The following ANKRD55 variants were observed in gnomAD, a reference collection of about 807,000 sequenced individuals.
ANKRD55 encodes the protein ankyrin repeat domain-containing protein 55.
ANKRD55 carries 41 observed loss-of-function variants against 60.6 expected under a neutral mutation model. The ratio of observed to expected loss-of-function variants is 0.68; its 90% CI spans 0.53 to 0.88. The LOEUF is 0.88. Among genes scored for constraint, ANKRD55 ranks in the 40% least tolerant of loss-of-function variants. The pLI is 0.00. For missense variants in ANKRD55, 732 were observed against 767.6 expected (o/e 0.95, Z 0.55); for synonymous variants, 264 against 290.3 (o/e 0.91, Z 0.92).
chr5:56,176,071 G>T (rs949059006), intron 4 of ANKRD55, 81 bp downstream of exon 4: 1 of 1,555,208 alleles, frequency 6.4e-7, no homozygotes, highest in Non-Finnish European at 8.8e-7. Flanking sequence ...ATCCAAGAAT[G>T]CTCCTTTGCA....
intron 2 of ANKRD55, among the ~76,000 whole-genome samples, chr5:56,197,355 G>A (rs1759250631): frequency 6.6e-6 from 1 of 152,092 alleles, no homozygotes; most frequent in African/African-American, 2.4e-5. Flanking sequence ...TTTATTAAAA[G>A]CATACATAAA....
At chr5:56,171,780 GAA>G (rs1309633271) in intron 4 of ANKRD55, among the ~76,000 whole-genome samples, 1 of 152,140 alleles carries the variant, frequency 6.6e-6, no homozygotes, top group Non-Finnish European at 1.5e-5. Flanking sequence ...AGTAAAATGA[GAA>G]AGATGACTGA....
chr5:56,227,709 T>C (rs1760154906), intron 2 of ANKRD55, among the ~76,000 whole-genome samples: 1 of 152,132 alleles, frequency 6.6e-6, no homozygotes, highest in African/African-American at 2.4e-5. Context: ...CAGATTTAGC[T>C]TGGAATCCTA....
rs756017260 is a variant in ANKRD55 at position 56,127,590 on chromosome 5, G to A, written c.613-484C>T. The A allele has an allele frequency of 2.2e-5, 22 of 985,204 alleles. No individual in the cohort carries two copies. In the Admixed American group the frequency reaches 6.8e-4, roughly 30 times the overall value. The allele number at this position is 985,204 out of a possible 1,614,324, so 61.0% of individuals were successfully genotyped here. On this transcript the variant is annotated intron_variant, in intron 7 of 11. Coordinates refer to ENST00000341048, the MANE Select transcript of ANKRD55 (RefSeq NM_024669.3). ...GTGATGCACTTAAAAAGCTTGTTTC[G>A]GGGTAGGGCCAAGGAGCAGGGGGCT...
rs1238112028 is a variant in ANKRD55, at chr5:56,111,358, G to A, written c.1390C>T (p.His464Tyr). 6.2e-7 allele frequency: 1 copy of A among 1,614,042 alleles called. No homozygotes were observed. Among genetic ancestry groups the A allele is most frequent in the Non-Finnish European group, 8.5e-7 (1 of 1,180,046 alleles). ...TSHAGLSSAPHHMAQRSQKSR... is the reference protein window; with the variant it reads ...TSHAGLSSAPYHMAQRSQKSR... Reference sequence around the variant, plus strand: ...TTCTGAGATCGCTGGGCCATATGATGAGGAGCAGAGCTCAGGCCTGCATGG... The same window carrying A: ...TTCTGAGATCGCTGGGCCATATGATAAGGAGCAGAGCTCAGGCCTGCATGG... The change falls in exon 10 of 12, where the codon CAT becomes TAT. Residue 464 changes from histidine to tyrosine, a missense_variant. Coordinates refer to ENST00000341048, the MANE Select transcript of ANKRD55 (RefSeq NM_024669.3).
At chr5:56,200,594 G>A (rs565089116) in intron 2 of ANKRD55, among the ~76,000 whole-genome samples, 64 of 152,220 alleles carry the variant, frequency 4.2e-4, no homozygotes, top group Non-Finnish European at 8.2e-4. Flanking sequence ...GCTTCATATG[G>A]TGGCTCTGTC....
intron 6 of ANKRD55, among the ~76,000 whole-genome samples, chr5:56,153,993 C>G (rs983961627): frequency 6.6e-6 from 1 of 151,310 alleles, no homozygotes; most frequent in African/African-American, 2.4e-5. Flanking sequence ...GGGTGGGTCA[C>G]GAGGTCAGGA....
At chr5:56,119,364 A>G (rs1756973923) in intron 8 of ANKRD55, among the ~76,000 whole-genome samples, 1 of 152,242 alleles carries the variant, frequency 6.6e-6, no homozygotes, top group South Asian at 2.1e-4. Flanking sequence ...TTCCGCTTAC[A>G]TGACCTTCTG....
At chr5:56,187,512 G>A (rs1759000449) in intron 2 of ANKRD55, among the ~76,000 whole-genome samples, 2 of 152,346 alleles carry the variant, frequency 1.3e-5, no homozygotes, top group South Asian at 2.1e-4. Context: ...GTCCGTGTTT[G>A]TTACGGCTTG....
rs577948224 is a variant in ANKRD55 at position 56,123,550 on chromosome 5, A to T, written c.797+3372T>A. Among the ~76,000 whole-genome samples the T allele has an allele frequency of 4.6e-5, 7 of 152,212 alleles. No individual in the cohort carries two copies. In the East Asian group the frequency reaches 1.2e-3, roughly 25 times the overall value. ...CAGGAGACATTTATTCTGAAACAGG[A>T]CGGGTCCCCAGCAGATTATGTCCTC... On this transcript the variant is annotated intron_variant, in intron 8 of 11. Coordinates refer to ENST00000341048, the MANE Select transcript of ANKRD55 (RefSeq NM_024669.3).
intron 2 of ANKRD55, among the ~76,000 whole-genome samples, chr5:56,224,833 A>G (rs940066415): frequency 1.1e-4 from 17 of 152,212 alleles, no homozygotes; most frequent in Non-Finnish European, 5.9e-5. Flanking sequence ...AAATTGAGGC[A>G]ATAATTAACA....
chr5:56,206,389 T>A, intron 2 of ANKRD55, among the ~76,000 whole-genome samples: 1 of 152,194 alleles, frequency 6.6e-6, no homozygotes, highest in Non-Finnish European at 1.5e-5. Flanking sequence ...AGTTCCCGAA[T>A]GACTGGATTA....
chr5:56,127,190 G>C, intron 7 of ANKRD55, 84 bp from the exon 8 acceptor site: 1 of 1,317,328 alleles, frequency 7.6e-7, no homozygotes, highest in Non-Finnish European at 9.7e-7. Flanking sequence ...AAATACAAAG[G>C]AAAAAAAGGA....
intron 2 of ANKRD55, among the ~76,000 whole-genome samples, chr5:56,211,092 G>A (rs1759661156): frequency 6.6e-6 from 1 of 152,288 alleles, no homozygotes; most frequent in East Asian, 1.9e-4. Context: ...CACTCCATAA[G>A]TCTTGTGGTA....
At chr5:56,194,416 G>A (rs1208430746) in intron 2 of ANKRD55, among the ~76,000 whole-genome samples, 2 of 151,522 alleles carry the variant, frequency 1.3e-5, no homozygotes, top group Non-Finnish European at 2.9e-5. Flanking sequence ...TGATATAAAT[G>A]ATCCAACCCC....
chr5:56,118,710 A>T (rs1756952012), intron 8 of ANKRD55, among the ~76,000 whole-genome samples: 1 of 152,178 alleles, frequency 6.6e-6, no homozygotes, highest in African/African-American at 2.4e-5. Context: ...AACCAATTTT[A>T]AAAATTAGCA....
chr5:56,161,950 T>G (rs1446074792), intron 5 of ANKRD55: 7 of 984,368 alleles, frequency 7.1e-6, no homozygotes, highest in Non-Finnish European at 8.4e-6. Flanking sequence ...TATTTCCCTG[T>G]GGCTGCTTTG....
intron 2 of ANKRD55, among the ~76,000 whole-genome samples, chr5:56,201,963 A>C (rs1388524175): frequency 6.6e-6 from 1 of 152,230 alleles, no homozygotes; most frequent in Non-Finnish European, 1.5e-5. Context: ...ACTATGCAGC[A>C]ATAAAAAAGA....
chr5:56,112,514 A>AAAAAC, intron 9 of ANKRD55, among the ~76,000 whole-genome samples: 1 of 149,826 alleles, frequency 6.7e-6, no homozygotes, highest in African/African-American at 2.4e-5. Flanking sequence ...CAAAAAAAAA[A>AAAAAC]AAAAAAAACA....
Sources: allele counts gnomAD v4.1 joint callset (sites outside exome capture counted in the v4.1 genomes callset), GRCh38; gene constraint gnomAD v4.1.1; transcripts MANE v1.5; gene names NCBI Gene and HGNC (gene_info 2026-07-23, HGNC 2026-07-21).